The following PCNX1 variants were observed in gnomAD, a reference collection of about 807,000 sequenced individuals.
PCNX1 encodes pecanex 1.
PCNX1 carries 78 observed loss-of-function variants against 242.2 expected under a neutral mutation model. The ratio of observed to expected loss-of-function variants is 0.32; its 90% CI spans 0.27 to 0.39. The LOEUF (loss-of-function observed/expected upper bound fraction) is 0.39. Among genes scored for constraint, PCNX1 ranks in the 10% least tolerant of loss-of-function variants. The pLI, the probability that PCNX1 is intolerant of heterozygous loss-of-function variation, is 1.00. For missense variants in PCNX1, 2,581 were observed against 2,856.5 expected (o/e 0.90, Z 2.20); for synonymous variants, 1,024 against 1,032.9 (o/e 0.99, Z 0.17).
chr14:71,054,519 C>G (rs1299470190), intron 24 of PCNX1, among the ~76,000 whole-genome samples: 1 of 152,178 alleles, frequency 6.6e-6, no homozygotes, highest in East Asian at 1.9e-4. Context: ...TTATTGTCAA[C>G]AAGTATTGCC....
chr14:71,085,311 T>G (rs2061957815), intron 28 of PCNX1, among the ~76,000 whole-genome samples: 1 of 152,218 alleles, frequency 6.6e-6, no homozygotes, highest in Non-Finnish European at 1.5e-5. Flanking sequence ...GCCACCTGTT[T>G]CTTGTTCTTG....
rs571997053 is a variant in PCNX1, at chr14:71,076,169, T to G, written c.5107-20T>G. The stretch of plus-strand genomic sequence containing the variant: ...TGTAATTTAATCTGAATTCTTTTTT[T>G]TTTGTCTTGTTCATGTTAGGGTATC... On this transcript the variant is annotated intron_variant, in intron 27 of 35. Coordinates refer to ENST00000304743, the MANE Select transcript of PCNX1 (RefSeq NM_014982.3). 1 of 1,396,104 alleles carries G rather than the reference T, an allele frequency of 7.2e-7. No homozygotes were observed. Among genetic ancestry groups the G allele is most frequent in the African/African-American group, 1.4e-5 (1 of 70,068 alleles). 86.5% of individuals were successfully genotyped at this position (1,396,104 alleles called of 1,614,324 possible).
At chr14:71,076,556 T>C in intron 28 of PCNX1, 137 bp downstream of exon 28, 1 of 636,596 alleles carries the variant, frequency 1.6e-6, no homozygotes, top group Non-Finnish European at 2.7e-6. Flanking sequence ...ACCTAACTGG[T>C]TCATTATGGT....
Position 71,023,893 on chromosome 14 carries a change from A to T in PCNX1, c.3183+661A>T, listed in dbSNP as rs184153093. ...TTTTAATCCTTTCACTGGAATAATG[A>T]ATAATGGGAATGGATGAGCAAAATA... On this transcript the variant is annotated intron_variant, in intron 13 of 35. Coordinates refer to ENST00000304743, the MANE Select transcript of PCNX1 (RefSeq NM_014982.3). Among the ~76,000 whole-genome samples, 469 of 152,256 alleles carry T rather than the reference A, an allele frequency of 3.1e-3. 5 individuals are homozygous for T. The highest frequency in any genetic ancestry group is 0.011 in the African/African-American group (450 of 41,570).
At chr14:70,960,395 C>T (rs573846931) in intron 2 of PCNX1, among the ~76,000 whole-genome samples, 9 of 152,144 alleles carry the variant, frequency 5.9e-5, no homozygotes, top group African/African-American at 1.4e-4. Context: ...TCCATCTTCA[C>T]GTGATTATCT....
In PCNX1 at chr14:71,090,705, T is replaced by A. The variant is rs77727161; in HGVS notation, c.5589+1363T>A. On this transcript the variant is annotated intron_variant, in intron 30 of 35. Transcript: ENST00000304743. ...TAGACATTTCTGGAAAGGTACCAAC[T>A]ATGTATCTGCTTTATAAGAAATATT... 9.8e-5 allele frequency among the ~76,000 whole-genome samples: 15 copies of A among 152,360 alleles called. No homozygotes were observed. In the East Asian group the frequency reaches 2.7e-3, roughly 27 times the overall value.
chr14:70,966,811 A>G (rs943584212), intron 3 of PCNX1, among the ~76,000 whole-genome samples: 1 of 152,168 alleles, frequency 6.6e-6, no homozygotes, highest in Non-Finnish European at 1.5e-5. Flanking sequence ...ATTTCTGTCT[A>G]GGAAGTTATA....
intron 1 of PCNX1, among the ~76,000 whole-genome samples, chr14:70,937,317 A>G (rs78340406): frequency 0.035 from 5,302 of 152,162 alleles, 284 homozygotes; most frequent in African/African-American, 0.12. Flanking sequence ...TGTATAAGGT[A>G]TAAGAAAGGG....
At chr14:70,908,158 CCT>C (rs1001433552) in intron 1 of PCNX1, among the ~76,000 whole-genome samples, 155 bp downstream of exon 1, 1 of 152,136 alleles carries the variant, frequency 6.6e-6, no homozygotes, top group Non-Finnish European at 1.5e-5. Flanking sequence ...TGCTCCCACT[CCT>C]CTCTTCGGGG....
rs3083307 is a variant in PCNX1, at chr14:71,003,080, C to CTTTTTTTT, written c.2630-6541_2630-6534dup. 2.2e-3 allele frequency among the ~76,000 whole-genome samples: 208 copies of CTTTTTTTT among 95,454 alleles called. 10 individuals are homozygous for CTTTTTTTT. Among genetic ancestry groups the CTTTTTTTT allele is most frequent in the East Asian group, 5.0e-3 (15 of 2,984 alleles). 62.6% of individuals were successfully genotyped at this position (95,454 alleles called of 152,430 possible). ...TAAAAATCGGGTTGTTGGTTGTCTT[C>CTTTTTTTT]TTTTTTTTTTTTTTTTTTTTGAGAC... On this transcript the variant is annotated intron_variant, in intron 8 of 35. Coordinates refer to ENST00000304743, the MANE Select transcript of PCNX1 (RefSeq NM_014982.3).
intron 30 of PCNX1, among the ~76,000 whole-genome samples, chr14:71,096,358 G>C (rs1189430172): frequency 6.6e-6 from 1 of 152,052 alleles, no homozygotes; most frequent in Non-Finnish European, 1.5e-5. Context: ...GCGTGTGCCT[G>C]TACTTAGGAG....
intron 19 of PCNX1, among the ~76,000 whole-genome samples, chr14:71,036,553 A>T (rs1376598720): frequency 6.6e-6 from 1 of 152,156 alleles, no homozygotes; most frequent in African/African-American, 2.4e-5. Flanking sequence ...AACATACTAT[A>T]CATTTTTGTA....
At chr14:70,939,571 A>G (rs2057150354) in intron 1 of PCNX1, among the ~76,000 whole-genome samples, 1 of 152,208 alleles carries the variant, frequency 6.6e-6, no homozygotes, top group South Asian at 2.1e-4. Context: ...CAGTTTTGGA[A>G]TAAGTGCAGT....
chr14:70,933,869 T>C (rs1305931134), intron 1 of PCNX1, among the ~76,000 whole-genome samples: 1 of 152,216 alleles, frequency 6.6e-6, no homozygotes, highest in East Asian at 1.9e-4. Flanking sequence ...CTTTGTAACA[T>C]AGACTGGAAA....
At chr14:71,032,273 C>T (rs940253465) in intron 16 of PCNX1, among the ~76,000 whole-genome samples, 1 of 152,172 alleles carries the variant, frequency 6.6e-6, no homozygotes, top group Admixed American at 6.5e-5. Context: ...ACTTTGCTTT[C>T]ATATGTATTT....
chr14:71,066,485 T>C (rs1358278056), intron 26 of PCNX1, among the ~76,000 whole-genome samples: 4 of 152,362 alleles, frequency 2.6e-5, no homozygotes, highest in Admixed American at 6.5e-5. Flanking sequence ...CTGAAGTTGC[T>C]TATCAGCTTA....
chr14:71,035,872 G>A (rs958816554), intron 18 of PCNX1, among the ~76,000 whole-genome samples, 193 bp from the exon 19 acceptor site: 2 of 152,140 alleles, frequency 1.3e-5, no homozygotes, highest in African/African-American at 4.8e-5. Flanking sequence ...TTGTCCCACT[G>A]CACTCCATCT....
At chr14:70,950,212 A>T (rs2057722417) in intron 2 of PCNX1, among the ~76,000 whole-genome samples, 1 of 152,168 alleles carries the variant, frequency 6.6e-6, no homozygotes, top group African/African-American at 2.4e-5. Flanking sequence ...AATTATCTTA[A>T]CATTTATTTG....
chr14:71,005,367 G>A (rs1271459947), intron 8 of PCNX1, among the ~76,000 whole-genome samples: 1 of 152,078 alleles, frequency 6.6e-6, no homozygotes, highest in Non-Finnish European at 1.5e-5. Flanking sequence ...AGTAAGCCAG[G>A]CACTGTGGCG....
Sources: allele counts gnomAD v4.1 joint callset (sites outside exome capture counted in the v4.1 genomes callset), GRCh38; gene constraint gnomAD v4.1.1; transcripts MANE v1.5; gene names NCBI Gene and HGNC (gene_info 2026-07-23, HGNC 2026-07-21).